Variants in CHODL observed in about 807,000 individuals in gnomAD.
The protein encoded by CHODL is chondrolectin, also known as transmembrane protein MT75.
CHODL carries 29 observed loss-of-function variants against 34.5 expected under a neutral mutation model. That is an observed-to-expected ratio of 0.84 (90% CI 0.63 to 1.15). The LOEUF is 1.15. Among genes scored for constraint, CHODL ranks in the 50% most tolerant of loss-of-function variants. The probability of loss-of-function intolerance (pLI) is 0.00; values close to 1 mark genes in which losing one functional copy is unlikely to be tolerated. For synonymous variants in CHODL, 125 were observed against 116.1 expected, an observed-to-expected ratio of 1.08 and a Z score of -0.49; for missense variants, 332 against 332.5, an observed-to-expected ratio of 1.00 and a Z score of 0.01.
intron 1 of CHODL, among the ~76,000 whole-genome samples, chr21:17,989,832 A>G (rs1018318125): frequency 1.3e-5 from 2 of 152,190 alleles, no homozygotes; most frequent in Admixed American, 1.3e-4. Flanking sequence ...CGTTGATTGA[A>G]TGTCCCATTT....
chr21:17,927,794 A>G (rs1470126867), intron 1 of CHODL, among the ~76,000 whole-genome samples: 1 of 152,222 alleles, frequency 6.6e-6, no homozygotes, highest in African/African-American at 2.4e-5. Flanking sequence ...GGTCCATAGT[A>G]GGTTTATCTT....
intron 1 of CHODL, among the ~76,000 whole-genome samples, chr21:17,989,450 T>G (rs376959893): frequency 1.3e-5 from 2 of 152,206 alleles, no homozygotes; most frequent in East Asian, 1.9e-4. Context: ...TAGACTATAT[T>G]CATTTAAAAT....
At chr21:18,111,058 A>C (rs568239327) in intron 2 of CHODL, among the ~76,000 whole-genome samples, 2 of 152,180 alleles carry the variant, frequency 1.3e-5, no homozygotes, top group Non-Finnish European at 2.9e-5. Flanking sequence ...TTAGAGTGTA[A>C]TATTCTAGAA....
chr21:18,115,690 G>T (rs1468524877), intron 2 of CHODL, among the ~76,000 whole-genome samples: 5 of 152,082 alleles, frequency 3.3e-5, no homozygotes, highest in Non-Finnish European at 7.4e-5. Context: ...TAATTATCCC[G>T]ATCCATGGTA....
intron 4 of CHODL, 115 bp downstream of exon 4, chr21:18,260,401 G>C: frequency 1.6e-6 from 1 of 623,346 alleles, no homozygotes; most frequent in Admixed American, 3.3e-5. Flanking sequence ...CACTAAGTAT[G>C]GTCCTATGGA....
At chr21:17,973,450 C>CTTG (rs1258324571) in intron 1 of CHODL, among the ~76,000 whole-genome samples, 4 of 130,704 alleles carry the variant, frequency 3.1e-5, no homozygotes, top group African/African-American at 1.2e-4. Context: ...CAGTCTCACT[C>CTTG]TTGTCACCCA....
chr21:18,252,945 C>T (rs1307532599), intron 1 of CHODL, among the ~76,000 whole-genome samples: 1 of 152,108 alleles, frequency 6.6e-6, no homozygotes, highest in African/African-American at 2.4e-5. Flanking sequence ...GTCAAGCTGT[C>T]TATCGTCCAG....
At chr21:18,248,741 G>GTA (rs551219417) in intron 1 of CHODL, among the ~76,000 whole-genome samples, 2,492 of 96,168 alleles carry the variant, frequency 0.026, 117 homozygotes, top group African/African-American at 0.11. Flanking sequence ...TAATATATAT[G>GTA]TATAATATAT....
intron 2 of CHODL, among the ~76,000 whole-genome samples, chr21:18,157,764 C>G (rs1004302392): frequency 7.9e-5 from 12 of 152,090 alleles, no homozygotes; most frequent in Admixed American, 7.2e-4. Context: ...CACTATTTTG[C>G]TAAATTTTGG....
chr21:18,089,217 T>C (rs186580771), intron 2 of CHODL, among the ~76,000 whole-genome samples: 14 of 152,348 alleles, frequency 9.2e-5, no homozygotes, highest in Admixed American at 2.6e-4. Context: ...ATCTTTTGTT[T>C]ATCCTGTTCT....
chr21:18,176,683 G>C (rs1601108429), intron 2 of CHODL, among the ~76,000 whole-genome samples: 1 of 152,246 alleles, frequency 6.6e-6, no homozygotes, highest in East Asian at 1.9e-4. Context: ...AAGTATGCTT[G>C]AACTAAATGT....
At position 18,245,086 on chromosome 21, in the gene CHODL, G is replaced by T; in HGVS notation, c.-138G>T. 1.5e-6 allele frequency: 1 copy of T among 677,226 alleles called. No homozygotes were observed. Among genetic ancestry groups the T allele is most frequent in the Non-Finnish European group, 2.2e-6 (1 of 444,886 alleles). The allele number at this position is 677,226 out of a possible 1,614,324, so 42.0% of individuals were successfully genotyped here. A position where few individuals can be genotyped will look rare whatever the true frequency, so the allele number is the denominator to read the frequency against. ...CGGCCGAAGGCGATGCGCGCAGGGG[G>T]TCGGGCAGCTGGGCTCGGGCGGCGG... On this transcript the variant is annotated 5_prime_UTR_variant, in exon 1 of 6. Coordinates refer to ENST00000299295, the MANE Select transcript of CHODL (RefSeq NM_024944.3).
intron 2 of CHODL, among the ~76,000 whole-genome samples, chr21:18,159,159 A>T (rs1601085191): frequency 6.6e-6 from 1 of 152,168 alleles, no homozygotes; most frequent in African/African-American, 2.4e-5. Context: ...GAGGCCAGGG[A>T]GGCTGCCACA....
chr21:18,211,468 A>G (rs2073774260), intron 2 of CHODL, among the ~76,000 whole-genome samples: 1 of 152,170 alleles, frequency 6.6e-6, no homozygotes, highest in African/African-American at 2.4e-5. Context: ...CAAAAGGAAA[A>G]AGTTAGCATC....
intron 2 of CHODL, among the ~76,000 whole-genome samples, chr21:18,046,986 G>C (rs528644851): frequency 5.7e-4 from 87 of 151,982 alleles, no homozygotes; most frequent in Admixed American, 2.4e-3. Context: ...TCAGTTTAGG[G>C]CTAAAATTGC....
chr21:18,039,215 A>G (rs975308164), intron 2 of CHODL, among the ~76,000 whole-genome samples: 1 of 151,778 alleles, frequency 6.6e-6, no homozygotes, highest in Admixed American at 6.6e-5. Context: ...TGAGAGATAT[A>G]TATCTGTTAT....
chr21:17,993,013 C>A (rs1280621596), intron 1 of CHODL, among the ~76,000 whole-genome samples: 1 of 152,092 alleles, frequency 6.6e-6, no homozygotes, highest in Non-Finnish European at 1.5e-5. Context: ...TTTACTTCCT[C>A]TTTTGCAATT....
At chr21:18,080,761 A>T (rs1392701180) in intron 2 of CHODL, among the ~76,000 whole-genome samples, 1 of 152,180 alleles carries the variant, frequency 6.6e-6, no homozygotes, top group Non-Finnish European at 1.5e-5. Context: ...ATTTGAAGTC[A>T]GGTAATATAA....
chr21:17,942,850 G>A (rs2146332661), intron 1 of CHODL, among the ~76,000 whole-genome samples: 1 of 152,300 alleles, frequency 6.6e-6, no homozygotes, highest in South Asian at 2.1e-4. Flanking sequence ...CCCGGTAGAA[G>A]GTGATTGGAT....
Sources: gnomAD v4.1 joint callset for allele counts (sites outside exome capture counted in the v4.1 genomes callset) on GRCh38, gnomAD v4.1.1 for gene constraint, MANE v1.5 for transcripts, NCBI Gene and HGNC (gene_info 2026-07-23, HGNC 2026-07-21) for gene names.